Variants in ADD1 observed in about 807,000 individuals in gnomAD.
ADD1 encodes alpha-adducin.
Under a neutral mutation model 80.5 loss-of-function variants are expected in ADD1, and 24 were observed. The observed-to-expected ratio is 0.30, with a 90% CI of 0.22 to 0.42. The LOEUF is 0.42. Ranked by LOEUF, ADD1 falls within the 10% of genes least tolerant of loss-of-function variation. The pLI, the probability that ADD1 is intolerant of heterozygous loss-of-function variation, is 1.00. For missense variants in ADD1, 948 were observed against 1,019.0 expected (o/e 0.93, Z 0.95); for synonymous variants, 373 against 393.8 (o/e 0.95, Z 0.63).
In ADD1 at chr4:2,883,395, C is replaced by T. The variant is rs141154805; in HGVS notation, c.359-1120C>T. On this transcript the variant is annotated intron_variant, in intron 3 of 15. Coordinates refer to ENST00000683351, the MANE Select transcript of ADD1 (RefSeq NM_001354761.2). ...GTTTCACATCATTGCAGTTATTATC[C>T]GGATTTGTTGAGAACTTTCCTTCTG... Among the ~76,000 whole-genome samples, 197 of 151,626 alleles carry T rather than the reference C, an allele frequency of 1.3e-3. 2 individuals are homozygous for T. The South Asian group carries it at 0.017, about 13-fold the overall frequency.
chr4:2,856,333 A>G (rs1728056899), intron 1 of ADD1, among the ~76,000 whole-genome samples: 1 of 152,056 alleles, frequency 6.6e-6, no homozygotes, highest in African/African-American at 2.4e-5. Context: ...TCGGTTTGTT[A>G]TTCCCTTGTA....
chr4:2,848,799 T>C (rs1410510870), intron 1 of ADD1, among the ~76,000 whole-genome samples: 3 of 152,214 alleles, frequency 2.0e-5, no homozygotes, highest in African/African-American at 4.8e-5. Context: ...TTTACTGTTA[T>C]AAGCAGTGCT....
intron 11 of ADD1, 141 bp from the exon 12 acceptor site, chr4:2,908,374 G>A: frequency 1.4e-6 from 1 of 704,974 alleles, no homozygotes; most frequent in Admixed American, 2.4e-5. Context: ...GAACACATGG[G>A]GCCATCCTGC....
intron 10 of ADD1, among the ~76,000 whole-genome samples, chr4:2,907,026 G>T (rs34120252): frequency 0.019 from 2,901 of 152,226 alleles, 60 homozygotes; most frequent in African/African-American, 0.046. Context: ...TGGGTGGAAG[G>T]CTCAGCATGC....
intron 4 of ADD1, among the ~76,000 whole-genome samples, chr4:2,891,287 T>G (rs748103977): frequency 1.3e-5 from 2 of 152,072 alleles, no homozygotes; most frequent in African/African-American, 2.4e-5. Context: ...ACCCCGTCTC[T>G]ACTAAAAATA....
At chr4:2,918,282 T>C (rs1002656297) in intron 14 of ADD1, among the ~76,000 whole-genome samples, 7 of 152,246 alleles carry the variant, frequency 4.6e-5, no homozygotes, top group Non-Finnish European at 1.0e-4. Flanking sequence ...TTGTAGCAAT[T>C]GTGAATGGGA....
intron 1 of ADD1, among the ~76,000 whole-genome samples, chr4:2,845,939 A>G (rs537516748): frequency 6.6e-6 from 1 of 152,196 alleles, no homozygotes; most frequent in Non-Finnish European, 1.5e-5. Flanking sequence ...TGTAGAGAGA[A>G]TAGTATAAAC....
chr4:2,913,255 T>A (rs1002792807), intron 13 of ADD1, among the ~76,000 whole-genome samples: 1 of 152,234 alleles, frequency 6.6e-6, no homozygotes, highest in Non-Finnish European at 1.5e-5. Flanking sequence ...GGCAGTGATA[T>A]CAGGATGCAG....
chr4:2,908,061 G>A (rs761714550), intron 11 of ADD1, among the ~76,000 whole-genome samples: 3 of 152,182 alleles, frequency 2.0e-5, no homozygotes, highest in Non-Finnish European at 2.9e-5. Flanking sequence ...TTGAACTGAT[G>A]TTTGCTCACG....
chr4:2,865,763 T>A (rs1421160140), intron 1 of ADD1, among the ~76,000 whole-genome samples: 1 of 152,050 alleles, frequency 6.6e-6, no homozygotes, highest in Non-Finnish European at 1.5e-5. Context: ...AGAAAAAAAA[T>A]TTTGTTTCAA....
Position 2,929,632 on chromosome 4 carries a change from G to A in ADD1, c.*1109G>A, listed in dbSNP as rs992298833. Reference sequence around the variant, plus strand: ...AGCCTGACTAGGTACAGGCAAGCTTGTGTGGGCCCAACAGGCCCTTGGTAG... The same window carrying A: ...AGCCTGACTAGGTACAGGCAAGCTTATGTGGGCCCAACAGGCCCTTGGTAG... On this transcript the variant is annotated 3_prime_UTR_variant, in exon 16 of 16. Transcript: ENST00000683351. 1.3e-5 allele frequency: 2 copies of A among 152,300 alleles called. No homozygotes were observed. The highest frequency in any genetic ancestry group is 6.5e-5 in the Admixed American group (1 of 15,292). The allele number at this position is 152,300 out of a possible 1,614,324, so 9.4% of individuals were successfully genotyped here. A position where few individuals can be genotyped will look rare whatever the true frequency, so the allele number is the denominator to read the frequency against.
chr4:2,923,131 T>A (rs1313229955), intron 14 of ADD1, among the ~76,000 whole-genome samples: 1 of 152,214 alleles, frequency 6.6e-6, no homozygotes, highest in Non-Finnish European at 1.5e-5. Flanking sequence ...TCAGCCCCCT[T>A]TCCAGGGGTG....
At chr4:2,880,887 A>G (rs1577538361) in intron 2 of ADD1, among the ~76,000 whole-genome samples, 3 of 151,986 alleles carry the variant, frequency 2.0e-5, no homozygotes, top group South Asian at 2.1e-4. Flanking sequence ...CATCAATCCA[A>G]TTGCACTTTT....
chr4:2,919,785 C>A lies in ADD1; in HGVS notation c.1948+4745C>A, dbSNP rs548451846. Among the ~76,000 whole-genome samples, 15 of 152,092 alleles carry A rather than the reference C, an allele frequency of 9.9e-5. No homozygotes were observed. The South Asian group carries it at 2.7e-3, about 27-fold the overall frequency. On this transcript the variant is annotated intron_variant, in intron 14 of 15. Transcript: ENST00000683351. ...CTATTTTATCAATCTTTAAAAAAAA[C>A]CAGCTCCTGGATTCATTGATTTTTT...
intron 1 of ADD1, among the ~76,000 whole-genome samples, chr4:2,856,235 C>A (rs1728041886): frequency 6.6e-6 from 1 of 152,112 alleles, no homozygotes; most frequent in Non-Finnish European, 1.5e-5. Flanking sequence ...ATATAGAAAT[C>A]CAGATTGACA....
intron 1 of ADD1, among the ~76,000 whole-genome samples, chr4:2,862,199 G>T (rs772498477): frequency 5.3e-5 from 8 of 152,170 alleles, no homozygotes; most frequent in African/African-American, 1.9e-4. Context: ...ACTGGAAGAG[G>T]ACAGTGACTC....
chr4:2,903,655 A>G (rs1265377795), intron 9 of ADD1, among the ~76,000 whole-genome samples: 5 of 152,212 alleles, frequency 3.3e-5, no homozygotes, highest in Non-Finnish European at 7.3e-5. Flanking sequence ...ACAGCCCATC[A>G]TCACCTTTTG....
intron 1 of ADD1, among the ~76,000 whole-genome samples, chr4:2,870,384 C>T (rs1407194262): frequency 2.6e-5 from 4 of 152,138 alleles, no homozygotes; most frequent in Admixed American, 6.5e-5. Context: ...AGAAAAGAGA[C>T]GTTATTTGGA....
intron 1 of ADD1, chr4:2,844,286 G>A (rs970439525): frequency 1.3e-5 from 2 of 152,242 alleles, no homozygotes; most frequent in African/African-American, 4.8e-5. Context: ...GGCTTTTCCC[G>A]GGCCGCTCGT....
Sources: gnomAD v4.1 joint callset for allele counts (sites outside exome capture counted in the v4.1 genomes callset) on GRCh38, gnomAD v4.1.1 for gene constraint, MANE v1.5 for transcripts, NCBI Gene and HGNC (gene_info 2026-07-23, HGNC 2026-07-21) for gene names.